The following ANKS1B variants were observed in gnomAD, a reference collection of about 807,000 sequenced individuals.
The protein encoded by ANKS1B is ankyrin repeat and sterile alpha motif domain-containing protein 1B.
Under a neutral mutation model 148.3 loss-of-function variants are expected in ANKS1B, and 36 were observed. That is an observed-to-expected ratio of 0.24 (90% CI 0.19 to 0.32). The LOEUF (loss-of-function observed/expected upper bound fraction) is 0.32, where lower values mean the gene tolerates loss of function less well. ANKS1B is among the 10% of genes least tolerant of loss of function. The probability of loss-of-function intolerance (pLI) is 1.00; values close to 1 mark genes in which losing one functional copy is unlikely to be tolerated. For synonymous variants in ANKS1B, 542 were observed against 560.8 expected, an observed-to-expected ratio of 0.97 and a Z score of 0.47; for missense variants, 1,157 against 1,542.6, an observed-to-expected ratio of 0.75 and a Z score of 4.19.
intron 17 of ANKS1B, among the ~76,000 whole-genome samples, chr12:98,895,719 T>G (rs1156268532): frequency 6.6e-6 from 1 of 152,192 alleles, no homozygotes; most frequent in Non-Finnish European, 1.5e-5. Flanking sequence ...CACTCCTGCC[T>G]CCGGTTTCCA....
chr12:99,490,387 T>C (rs2096543780), intron 10 of ANKS1B, among the ~76,000 whole-genome samples: 1 of 152,244 alleles, frequency 6.6e-6, no homozygotes. Context: ...ACAACTGCAA[T>C]ATGACATCTG....
intron 17 of ANKS1B, chr12:98,894,836 C>CGCTGCGCCGAGCGCCGG: frequency 1.0e-6 from 1 of 982,020 alleles, no homozygotes; most frequent in Non-Finnish European, 1.2e-6. Context: ...GGCCGCGCCG[C>CGCTGCGCCGAGCGCCGG]GCTGCGCCGA....
chr12:99,729,554 C>T (rs1437542761), intron 8 of ANKS1B, among the ~76,000 whole-genome samples: 1 of 152,148 alleles, frequency 6.6e-6, no homozygotes, highest in Non-Finnish European at 1.5e-5. Context: ...GTCCTACCTT[C>T]CTTTATTTAA....
At chr12:99,063,085 C>T (rs757345252) in intron 16 of ANKS1B, among the ~76,000 whole-genome samples, 3 of 152,132 alleles carry the variant, frequency 2.0e-5, no homozygotes, top group Admixed American at 6.5e-5. Flanking sequence ...AGCAACCTAT[C>T]ATTTACATAG....
chr12:99,984,248 C>G lies in ANKS1B; in HGVS notation c.-11G>C. On this transcript the variant is annotated 5_prime_UTR_variant, in exon 1 of 27. Transcript: ENST00000683438. Reference sequence around the variant, plus strand: ...CTGGTCCTTCCCCATAGTCTCTCACCGACTCCCCCACAGAGTCCTTGCCCC... The same window carrying G: ...CTGGTCCTTCCCCATAGTCTCTCACGGACTCCCCCACAGAGTCCTTGCCCC... The G allele has an allele frequency of 6.2e-7, 1 of 1,611,260 alleles. No homozygotes were observed. Among genetic ancestry groups the G allele is most frequent in the Non-Finnish European group, 8.5e-7 (1 of 1,178,502 alleles).
intron 8 of ANKS1B, among the ~76,000 whole-genome samples, chr12:99,723,797 C>A (rs907240268): frequency 6.6e-6 from 1 of 152,076 alleles, no homozygotes; most frequent in African/African-American, 2.4e-5. Context: ...GAGGAAGCAC[C>A]CATCTTTGCT....
chr12:99,462,543 C>T (rs1293442713), intron 10 of ANKS1B, among the ~76,000 whole-genome samples: 1 of 152,180 alleles, frequency 6.6e-6, no homozygotes, highest in Non-Finnish European at 1.5e-5. Flanking sequence ...CTGGTGAATC[C>T]ATCTTGGATT....
intron 12 of ANKS1B, among the ~76,000 whole-genome samples, chr12:99,380,578 C>G (rs2093599763): frequency 6.6e-6 from 1 of 151,976 alleles, no homozygotes; most frequent in African/African-American, 2.4e-5. Context: ...TCCATGGGAA[C>G]CACGGATTTT....
At chr12:99,496,302 C>T (rs1158444224) in intron 10 of ANKS1B, among the ~76,000 whole-genome samples, 1 of 152,176 alleles carries the variant, frequency 6.6e-6, no homozygotes, top group African/African-American at 2.4e-5. Context: ...TTGATGACAC[C>T]TGGCTATTTC....
intron 12 of ANKS1B, among the ~76,000 whole-genome samples, chr12:99,391,552 A>T (rs2094069772): frequency 6.6e-6 from 1 of 152,188 alleles, no homozygotes; most frequent in Admixed American, 6.5e-5. Context: ...CCCCCTTGAG[A>T]TACTCTCACA....
chr12:98,880,800 AAAC>A (rs527909715), intron 17 of ANKS1B, among the ~76,000 whole-genome samples: 27 of 151,920 alleles, frequency 1.8e-4, no homozygotes, highest in Admixed American at 1.3e-3. Context: ...ATAAAAAATA[AAAC>A]AACAACAACA....
chr12:99,882,058 G>C (rs1361595081), intron 1 of ANKS1B, among the ~76,000 whole-genome samples: 1 of 152,182 alleles, frequency 6.6e-6, no homozygotes, highest in Non-Finnish European at 1.5e-5. Flanking sequence ...GAAAGTTTCA[G>C]CAAGGAAATA....
intron 15 of ANKS1B, among the ~76,000 whole-genome samples, chr12:99,095,983 G>A (rs2055945465): frequency 6.6e-6 from 1 of 152,188 alleles, no homozygotes; most frequent in Non-Finnish European, 1.5e-5. Flanking sequence ...TCTAAATCTG[G>A]GAGTGGGTTT....
intron 14 of ANKS1B, among the ~76,000 whole-genome samples, chr12:99,183,910 A>G (rs1056229321): frequency 2.6e-5 from 4 of 152,202 alleles, no homozygotes; most frequent in Non-Finnish European, 5.9e-5. Context: ...GTCTAATATT[A>G]TATACAAAGG....
At position 99,383,960 on chromosome 12, in the gene ANKS1B, T is replaced by G. The variant is rs138794783; in HGVS notation, c.1756+15671A>C. Among the ~76,000 whole-genome samples, 1,210 of 151,880 alleles carry G rather than the reference T, an allele frequency of 8.0e-3. 13 individuals carry two copies. The highest frequency in any genetic ancestry group is 0.024 in the Middle Eastern group (7 of 294). Reference sequence around the variant, plus strand: ...CTGGGGGGTTACTTGCGCCTGGAAGTGTAGGCTGCAGTGAGCTGTAATCGT... The same window carrying G: ...CTGGGGGGTTACTTGCGCCTGGAAGGGTAGGCTGCAGTGAGCTGTAATCGT... On this transcript the variant is annotated intron_variant, in intron 12 of 26. Transcript: ENST00000683438.
chr12:98,961,350 GA>G (rs1305481391), intron 17 of ANKS1B, among the ~76,000 whole-genome samples: 2 of 152,056 alleles, frequency 1.3e-5, no homozygotes, highest in South Asian at 2.1e-4. Context: ...TGTGCTGAAG[GA>G]AAAAAACCTT....
chr12:99,794,686 A>C (rs1274477975), intron 4 of ANKS1B, among the ~76,000 whole-genome samples: 2 of 151,950 alleles, frequency 1.3e-5, no homozygotes, highest in African/African-American at 4.8e-5. Context: ...GGTGGTTACC[A>C]GAGGCTGGGA....
intron 12 of ANKS1B, among the ~76,000 whole-genome samples, chr12:99,295,657 T>C (rs1468724771): frequency 6.6e-6 from 1 of 152,180 alleles, no homozygotes; most frequent in African/African-American, 2.4e-5. Flanking sequence ...GTTTGTTATA[T>C]AGGTATACTT....
At chr12:99,955,538 C>G (rs1036924517) in intron 1 of ANKS1B, among the ~76,000 whole-genome samples, 1 of 138,070 alleles carries the variant, frequency 7.2e-6, no homozygotes, top group Non-Finnish European at 1.5e-5. Context: ...AGGCCTTCTC[C>G]TGTCTAACTT....
Sources: gnomAD v4.1 joint callset for allele counts (sites outside exome capture counted in the v4.1 genomes callset) on GRCh38, gnomAD v4.1.1 for gene constraint, MANE v1.5 for transcripts, NCBI Gene and HGNC (gene_info 2026-07-23, HGNC 2026-07-21) for gene names.